Variants in AP4B1 observed in about 807,000 individuals in gnomAD.
The protein encoded by AP4B1 is adaptor related protein complex 4 subunit beta 1, also known as AP-4 complex subunit beta-1.
AP4B1 carries 49 observed loss-of-function variants against 76.5 expected under a neutral mutation model. The ratio of observed to expected loss-of-function variants is 0.64; its 90% confidence interval spans 0.51 to 0.81. The LOEUF (loss-of-function observed/expected upper bound fraction) is 0.81. AP4B1 is among the 40% of genes least tolerant of loss of function. The pLI is 0.00. For missense variants in AP4B1, 911 were observed against 904.9 expected (o/e 1.01, Z -0.09); for synonymous variants, 330 against 333.3 (o/e 0.99, Z 0.11).
chr1:113,899,965 C>T lies in AP4B1; in HGVS notation c.1053G>A (p.Glu351=), dbSNP rs1244763849. The change falls in exon 5 of 10, where the codon GAG becomes GAA. Residue 351 remains glutamate (E), a synonymous_variant. Coordinates refer to ENST00000369569, the MANE Select transcript of AP4B1 (RefSeq NM_001253852.3). ...ACACATCCGTGCAGTACCCTCGAAG[C>T]TCCTCTAGCACCTGCTGCACATTCT... ...NDENVQQVLE[E]LRGYCTDVSA... 6.2e-7 allele frequency: 1 copy of T among 1,614,202 alleles called. No individual in the cohort carries two copies. The highest frequency in any genetic ancestry group is 1.1e-5 in the South Asian group (1 of 91,090).
At chr1:113,900,516 T>C (rs201945570) in intron 4 of AP4B1, 116 bp from the exon 5 acceptor site, 3 of 1,254,828 alleles carry the variant, frequency 2.4e-6, no homozygotes, top group South Asian at 1.4e-5. Flanking sequence ...TTCTTAAAAA[T>C]AGGCTGTGCC....
chr1:113,904,571 G>A (rs377005658), intron 1 of AP4B1, 34 bp downstream of exon 1: 3 of 1,595,852 alleles, frequency 1.9e-6, no homozygotes, highest in Non-Finnish European at 2.6e-6. Context: ...ATTGCAAAGG[G>A]AGCAGTTAGC....
chr1:113,898,789 C>T lies in AP4B1; in HGVS notation c.1127G>A (p.Arg376Lys). ...AAIFAIGGIA[R>K]TYTDQCVQIL... The stretch of plus-strand genomic sequence containing the variant: ...CTGAACACATTGATCTGTGTAAGTC[C>T]TGGCAATGCCACCTACAAAAGAAGG... The change falls in exon 6 of 10, where the codon AGG (arginine) becomes AAG (lysine). Residue 376 changes from arginine (R) to lysine (K), a missense_variant. Physicochemically the swap from Arg to Lys is conservative, Grantham distance 26. Transcript: ENST00000369569. 1 of 1,608,844 alleles carries T rather than the reference C, an allele frequency of 6.2e-7. No individual in the cohort carries two copies. The highest frequency in any genetic ancestry group is 1.7e-5 in the Admixed American group (1 of 60,010).
chr1:113,903,056 C>A (rs971280246), intron 1 of AP4B1, among the ~76,000 whole-genome samples, 194 bp from the exon 2 acceptor site: 1 of 152,132 alleles, frequency 6.6e-6, no homozygotes, highest in African/African-American at 2.4e-5. Flanking sequence ...TTCTTCTATT[C>A]ATTCAACAAA....
intron 2 of AP4B1, chr1:113,902,132 C>A (rs573758056): frequency 4.1e-6 from 2 of 485,268 alleles, no homozygotes; most frequent in South Asian, 4.0e-5. Context: ...CTTGAATTCC[C>A]GGGCCCAAGC....
intron 5 of AP4B1, among the ~76,000 whole-genome samples, chr1:113,899,532 G>C (rs1404212835): frequency 6.6e-6 from 1 of 152,128 alleles, no homozygotes. Context: ...TTTTGTGCCT[G>C]AGTTTCTTCA....
chr1:113,896,546 G>C (rs1667494896), intron 7 of AP4B1, 81 bp from the exon 8 acceptor site: 3 of 1,406,036 alleles, frequency 2.1e-6, no homozygotes, highest in African/African-American at 2.8e-5. Flanking sequence ...CACTGGTTTT[G>C]CTTTTCGCTT....
rs1244806680 is a variant in AP4B1, at chr1:113,894,198, T to A, written c.*867A>T. The stretch of plus-strand genomic sequence containing the variant: ...TTTCCCATTCTGGATTCGCTATTTA[T>A]ATTTTACCATCATTTTATTAGATTT... On this transcript the variant is annotated 3_prime_UTR_variant, in exon 10 of 10. Transcript: ENST00000369569. 6.6e-6 allele frequency among the ~76,000 whole-genome samples: 1 copy of A among 152,246 alleles called. No homozygotes were observed. The highest frequency in any genetic ancestry group is 2.4e-5 in the African/African-American group (1 of 41,472).
At chr1:113,898,221 G>C (rs1667733679) in intron 6 of AP4B1, among the ~76,000 whole-genome samples, 1 of 152,336 alleles carries the variant, frequency 6.6e-6, no homozygotes, top group South Asian at 2.1e-4. Context: ...GGGTAGTATT[G>C]CTGTTGAATG....
At chr1:113,899,665 T>A (rs1373910477) in intron 5 of AP4B1, among the ~76,000 whole-genome samples, 1 of 152,156 alleles carries the variant, frequency 6.6e-6, no homozygotes, top group Non-Finnish European at 1.5e-5. Context: ...TATTGTAGTT[T>A]GTGTTACCTG....
chr1:113,896,621 A>T, intron 7 of AP4B1, 156 bp from the exon 8 acceptor site: 1 of 671,690 alleles, frequency 1.5e-6, no homozygotes. Context: ...CCCGTACTAT[A>T]CTCTCTACAA....
At chr1:113,898,900 ATC>A in intron 5 of AP4B1, 99 bp from the exon 6 acceptor site, 1 of 1,005,198 alleles carries the variant, frequency 9.9e-7, no homozygotes, top group Non-Finnish European at 1.5e-6. Flanking sequence ...AAACAGAATT[ATC>A]TAAAAAAAAA....
chr1:113,895,562 C>T, intron 9 of AP4B1, 70 bp from the exon 10 acceptor site: 1 of 1,587,434 alleles, frequency 6.3e-7, no homozygotes, highest in Non-Finnish European at 8.6e-7. Flanking sequence ...TATCCAAATT[C>T]CCAAATGTAC....
intron 4 of AP4B1, 175 bp from the exon 5 acceptor site, chr1:113,900,575 C>T: frequency 1.3e-6 from 1 of 764,160 alleles, no homozygotes; most frequent in South Asian, 1.9e-5. Context: ...ACAAAAAAGG[C>T]TTAAAATTCC....
chr1:113,896,112 G>A, intron 8 of AP4B1, 74 bp from the exon 9 acceptor site: 2 of 1,606,996 alleles, frequency 1.2e-6, no homozygotes, highest in South Asian at 1.1e-5. Context: ...AACCATAATA[G>A]GAGAAAAAAA....
chr1:113,896,093 T>C, intron 8 of AP4B1, 55 bp from the exon 9 acceptor site: 1 of 1,612,208 alleles, frequency 6.2e-7, no homozygotes, highest in Non-Finnish European at 8.5e-7. Context: ...TTCCTCCTAC[T>C]CTTGTGCCAA....
intron 5 of AP4B1, among the ~76,000 whole-genome samples, 156 bp from the exon 6 acceptor site, chr1:113,898,957 A>T (rs898977478): frequency 3.9e-5 from 6 of 152,190 alleles, no homozygotes; most frequent in African/African-American, 1.4e-4. Context: ...TAAGAATATA[A>T]GTTTACTATA....
chr1:113,900,852 A>C (rs963382982), intron 4 of AP4B1: 14 of 297,916 alleles, frequency 4.7e-5, no homozygotes, highest in Middle Eastern at 1.2e-3. Context: ...TCACGTCTGT[A>C]ATCCCAGCAC....
chr1:113,901,166 C>T (rs772787821), intron 4 of AP4B1, 70 bp downstream of exon 4: 12 of 1,577,410 alleles, frequency 7.6e-6, no homozygotes, highest in South Asian at 1.1e-5. Flanking sequence ...TTGTTCAATA[C>T]TTTAATACAT....
Sources: allele counts gnomAD v4.1 joint callset (sites outside exome capture counted in the v4.1 genomes callset), GRCh38; gene constraint gnomAD v4.1.1; transcripts MANE v1.5; gene names NCBI Gene and HGNC (gene_info 2026-07-23, HGNC 2026-07-21).